The following NRXN3 variants were observed in gnomAD, a reference collection of about 807,000 sequenced individuals.
NRXN3 encodes neurexin III.
A neutral mutation model predicts 137.6 loss-of-function variants in NRXN3; 32 were observed. The ratio of observed to expected loss-of-function variants is 0.23; its 90% confidence interval spans 0.18 to 0.31. The LOEUF (loss-of-function observed/expected upper bound fraction) is 0.31, where lower values mean the gene tolerates loss of function less well. NRXN3 is among the 10% of genes least tolerant of loss of function. The pLI is 1.00. For synonymous variants in NRXN3, 798 were observed against 784.5 expected (o/e 1.02, Z -0.29); for missense variants, 1,574 against 2,062.5 (o/e 0.76, Z 4.59).
At chr14:79,303,589 C>G (rs114219088) in intron 15 of NRXN3, among the ~76,000 whole-genome samples, 2 of 151,986 alleles carry the variant, frequency 1.3e-5, no homozygotes, top group African/African-American at 4.8e-5. Flanking sequence ...GAAAGCCACC[C>G]TCTTGTGATC....
chr14:78,391,845 C>T (rs1248929922), intron 4 of NRXN3, among the ~76,000 whole-genome samples: 1 of 152,096 alleles, frequency 6.6e-6, no homozygotes, highest in South Asian at 2.1e-4. Flanking sequence ...ACTATTTTCA[C>T]AACAGCCAAA....
rs77847515 is a variant in NRXN3, at chr14:79,466,207, A to T, written c.3263-1014A>T. Among the ~76,000 whole-genome samples the T allele has an allele frequency of 8.7e-3, 1,331 of 152,218 alleles. 28 individuals are homozygous for T. In the East Asian group the frequency reaches 0.094, roughly 11 times the overall value. ...TTTCTGTTTCTTGTATCTTCTTCCTAAGATTTAGTTTGAAAAAGGAAAAGA... is the reference window on the plus strand; with the variant it reads ...TTTCTGTTTCTTGTATCTTCTTCCTTAGATTTAGTTTGAAAAAGGAAAAGA... On this transcript the variant is annotated intron_variant, in intron 15 of 20. Transcript: ENST00000335750.
chr14:78,210,736 TC>T (rs751015626), intron 1 of NRXN3, among the ~76,000 whole-genome samples: 23 of 152,226 alleles, frequency 1.5e-4, no homozygotes, highest in Non-Finnish European at 3.2e-4. Flanking sequence ...TATGGACTTT[TC>T]TGTTTCCAGA....
intron 16 of NRXN3, among the ~76,000 whole-genome samples, chr14:79,663,498 C>T (rs1431079510): frequency 6.6e-6 from 1 of 152,082 alleles, no homozygotes; most frequent in African/African-American, 2.4e-5. Flanking sequence ...CATTGCATAG[C>T]TACTAGGTAG....
At chr14:78,858,179 G>T (rs2099062718) in intron 10 of NRXN3, among the ~76,000 whole-genome samples, 1 of 152,142 alleles carries the variant, frequency 6.6e-6, no homozygotes, top group Non-Finnish European at 1.5e-5. Context: ...TGACAGGCCG[G>T]TGGTGCTGGT....
At chr14:78,250,144 A>G (rs912368804) in intron 2 of NRXN3, 1 of 509,298 alleles carries the variant, frequency 2.0e-6, no homozygotes, top group Non-Finnish European at 3.9e-6. Context: ...AAGATTGTGC[A>G]GGTATTAAGA....
At chr14:78,472,729 G>A (rs958479589) in intron 4 of NRXN3, among the ~76,000 whole-genome samples, 1 of 152,036 alleles carries the variant, frequency 6.6e-6, no homozygotes, top group Non-Finnish European at 1.5e-5. Flanking sequence ...TCTAAAAGAA[G>A]CGTTGGAGTT....
chr14:79,465,949 A>G (rs1261164596), intron 15 of NRXN3, among the ~76,000 whole-genome samples: 1 of 152,234 alleles, frequency 6.6e-6, no homozygotes, highest in East Asian at 1.9e-4. Flanking sequence ...ACTGAAATTA[A>G]AAATGTGTTT....
At chr14:78,455,680 C>T (rs2094680311) in intron 4 of NRXN3, among the ~76,000 whole-genome samples, 1 of 152,118 alleles carries the variant, frequency 6.6e-6, no homozygotes, top group African/African-American at 2.4e-5. Flanking sequence ...CCCAAGAAGT[C>T]GATTAGTACT....
chr14:79,066,853 C>T (rs900809013), intron 15 of NRXN3, among the ~76,000 whole-genome samples: 6 of 152,144 alleles, frequency 3.9e-5, no homozygotes, highest in Non-Finnish European at 5.9e-5. Context: ...TATCAGCTTA[C>T]GAAGCCTTTG....
chr14:79,359,730 C>G (rs765914863), intron 15 of NRXN3, among the ~76,000 whole-genome samples: 4 of 151,936 alleles, frequency 2.6e-5, no homozygotes, highest in Non-Finnish European at 5.9e-5. Flanking sequence ...GCCACCACAC[C>G]TGGCTAATTT....
At chr14:78,914,369 A>G (rs935099432) in intron 10 of NRXN3, among the ~76,000 whole-genome samples, 1 of 152,228 alleles carries the variant, frequency 6.6e-6, no homozygotes, top group African/African-American at 2.4e-5. Context: ...GGATATAGAC[A>G]GTAAATACAT....
intron 5 of NRXN3, among the ~76,000 whole-genome samples, chr14:78,648,819 G>A (rs926632278): frequency 6.6e-6 from 1 of 152,076 alleles, no homozygotes; most frequent in African/African-American, 2.4e-5. Context: ...TCTACATGTG[G>A]AATGGTACCT....
At chr14:79,671,254 C>A (rs1414851993) in intron 17 of NRXN3, among the ~76,000 whole-genome samples, 1 of 152,136 alleles carries the variant, frequency 6.6e-6, no homozygotes, top group Non-Finnish European at 1.5e-5. Context: ...ACTTAAGAGT[C>A]TTAATGTTTA....
chr14:79,011,782 A>G (rs2099571794), intron 15 of NRXN3, among the ~76,000 whole-genome samples: 1 of 152,166 alleles, frequency 6.6e-6, no homozygotes, highest in African/African-American at 2.4e-5. Context: ...CCCGGAATGT[A>G]TACACAGCCC....
intron 8 of NRXN3, among the ~76,000 whole-genome samples, chr14:78,763,679 T>A (rs1255227340): frequency 6.6e-6 from 1 of 152,124 alleles, no homozygotes; most frequent in Admixed American, 6.5e-5. Flanking sequence ...ATGACAAGGA[T>A]GCAGAAACAT....
At chr14:79,795,719 CT>C (rs977226159) in intron 19 of NRXN3, among the ~76,000 whole-genome samples, 1 of 151,652 alleles carries the variant, frequency 6.6e-6, no homozygotes, top group African/African-American at 2.4e-5. Flanking sequence ...GTGGGATATA[CT>C]TTTTTTTTCA....
intron 15 of NRXN3, among the ~76,000 whole-genome samples, chr14:79,450,296 G>A (rs1345620868): frequency 1.3e-5 from 2 of 152,128 alleles, no homozygotes; most frequent in Non-Finnish European, 2.9e-5. Flanking sequence ...GGGGTTGGAA[G>A]GAGCAGATGT....
At chr14:78,605,776 A>T (rs2097246074) in intron 4 of NRXN3, among the ~76,000 whole-genome samples, 1 of 152,184 alleles carries the variant, frequency 6.6e-6, no homozygotes, top group African/African-American at 2.4e-5. Flanking sequence ...GTAGTAGTAA[A>T]CCATGTTTAA....
Sources: gnomAD v4.1 joint callset for allele counts (sites outside exome capture counted in the v4.1 genomes callset) on GRCh38, gnomAD v4.1.1 for gene constraint, MANE v1.5 for transcripts, NCBI Gene and HGNC (gene_info 2026-07-23, HGNC 2026-07-21) for gene names.